Variants in RPS6KC1 observed in about 807,000 individuals in gnomAD.
The protein encoded by RPS6KC1 is inactive ribosomal protein S6 kinase delta-1.
Under a neutral mutation model 103.8 loss-of-function variants are expected in RPS6KC1, and 54 were observed. The ratio of observed to expected loss-of-function variants is 0.52; its 90% CI spans 0.42 to 0.65. The LOEUF is 0.65. Among genes scored for constraint, RPS6KC1 ranks in the 30% least tolerant of loss-of-function variants. The pLI is 0.00. For synonymous variants in RPS6KC1, 439 were observed against 438.7 expected, an observed-to-expected ratio of 1.00 and a Z score of -0.01; for missense variants, 1,151 against 1,253.8, an observed-to-expected ratio of 0.92 and a Z score of 1.24.
At chr1:213,350,052 G>T in the RPS6KC1 span, among the ~76,000 whole-genome samples, 1 of 152,114 alleles carries the variant, frequency 6.6e-6, no homozygotes, top group Non-Finnish European at 1.5e-5. Flanking sequence ...AGCAACTTGG[G>T]AGGCATGGAT....
chr1:213,175,698 T>C (rs2091820020), intron 7 of RPS6KC1, among the ~76,000 whole-genome samples: 1 of 152,228 alleles, frequency 6.6e-6, no homozygotes, highest in African/African-American at 2.4e-5. Context: ...TTTAAATCTT[T>C]TTTGTAGCTA....
chr1:213,390,496 G>T, the RPS6KC1 span, among the ~76,000 whole-genome samples: 2 of 152,240 alleles, frequency 1.3e-5, no homozygotes, highest in Non-Finnish European at 2.9e-5. Flanking sequence ...CTTTTGGACA[G>T]AAAATATGGC....
the RPS6KC1 span, among the ~76,000 whole-genome samples, chr1:213,363,600 CGCTCGCTT>C: frequency 3.0e-3 from 230 of 76,562 alleles, 33 homozygotes; most frequent in African/African-American, 0.018. Flanking sequence ...AGCCCTTGCT[CGCTCGCTT>C]GCTTGCTTGC....
chr1:213,315,864 G>A, the RPS6KC1 span, among the ~76,000 whole-genome samples: 1 of 152,200 alleles, frequency 6.6e-6, no homozygotes, highest in Non-Finnish European at 1.5e-5. Flanking sequence ...GGTTTGTAAA[G>A]ATTTTAGCTT....
chr1:213,383,629 C>CG, the RPS6KC1 span, among the ~76,000 whole-genome samples: 2 of 152,090 alleles, frequency 1.3e-5, no homozygotes, highest in Non-Finnish European at 2.9e-5. Context: ...ATTTGGAGAC[C>CG]GGGCCTCTAA....
chr1:213,115,641 ATGTTAGGG>A (rs1260702448), intron 4 of RPS6KC1, among the ~76,000 whole-genome samples: 6 of 151,482 alleles, frequency 4.0e-5, no homozygotes, highest in African/African-American at 1.5e-4. Context: ...TTTAATTGTG[ATGTTAGGG>A]TGTCAATTTT....
At chr1:213,428,510 CTTCCTTCCTCTT>C in the RPS6KC1 span, among the ~76,000 whole-genome samples, 22 of 61,126 alleles carry the variant, frequency 3.6e-4, no homozygotes, top group African/African-American at 1.1e-3. Context: ...TCCTTCCTTC[CTTCCTTCCTCTT>C]TCTCTCTCTC....
chr1:213,648,584 C>T, the RPS6KC1 span, among the ~76,000 whole-genome samples: 9 of 152,124 alleles, frequency 5.9e-5, no homozygotes, highest in Admixed American at 5.9e-4. Context: ...AGCTCACCAC[C>T]ACCCTCATCT....
chr1:213,411,937 TG>T, the RPS6KC1 span, among the ~76,000 whole-genome samples: 1 of 152,110 alleles, frequency 6.6e-6, no homozygotes, highest in South Asian at 2.1e-4. Flanking sequence ...CTTGGTGAGT[TG>T]GTTATGCTGC....
At chr1:213,806,456 G>A in the RPS6KC1 span, among the ~76,000 whole-genome samples, 1 of 152,048 alleles carries the variant, frequency 6.6e-6, no homozygotes, top group Non-Finnish European at 1.5e-5. Context: ...TATGAATCTG[G>A]GTGCTCCTGT....
chr1:213,769,782 T>A, the RPS6KC1 span, among the ~76,000 whole-genome samples: 1 of 152,198 alleles, frequency 6.6e-6, no homozygotes, highest in African/African-American at 2.4e-5. Flanking sequence ...AGCTTTGAAC[T>A]GTCCCCAAAT....
the RPS6KC1 span, among the ~76,000 whole-genome samples, chr1:213,612,720 T>C: frequency 1.3e-5 from 2 of 152,194 alleles, no homozygotes; most frequent in East Asian, 3.9e-4. Context: ...GATTCAGGCA[T>C]AGCTTTTACC....
chr1:213,677,573 G>C, the RPS6KC1 span, among the ~76,000 whole-genome samples: 20 of 152,310 alleles, frequency 1.3e-4, no homozygotes, highest in South Asian at 3.9e-3. Context: ...ATGTAAACCC[G>C]GAGTTCAGAA....
intron 5 of RPS6KC1, among the ~76,000 whole-genome samples, chr1:213,126,722 A>C (rs142354441): frequency 6.6e-6 from 1 of 152,214 alleles, no homozygotes; most frequent in Non-Finnish European, 1.5e-5. Context: ...GTGATGGGAA[A>C]ATTATAAGGA....
the RPS6KC1 span, among the ~76,000 whole-genome samples, chr1:213,482,540 GTTTTTTTTTT>G: frequency 1.5e-4 from 9 of 61,150 alleles, no homozygotes; most frequent in East Asian, 1.8e-3. Flanking sequence ...CTAACTTGAG[GTTTTTTTTTT>G]TTTTTTTTTT....
chr1:213,427,641 C>G, the RPS6KC1 span, among the ~76,000 whole-genome samples: 1 of 152,242 alleles, frequency 6.6e-6, no homozygotes, highest in Non-Finnish European at 1.5e-5. Flanking sequence ...TATCTAAATA[C>G]TTGGTTGAAA....
At chr1:213,833,813 A>ATTT in the RPS6KC1 span, among the ~76,000 whole-genome samples, 65 of 152,166 alleles carry the variant, frequency 4.3e-4, no homozygotes, top group Non-Finnish European at 5.0e-4. Context: ...GAGGTGGGAC[A>ATTT]AGTCAGGGTG....
chr1:213,081,280 A>G (rs2079854486), intron 3 of RPS6KC1, among the ~76,000 whole-genome samples: 1 of 152,196 alleles, frequency 6.6e-6, no homozygotes, highest in African/African-American at 2.4e-5. Flanking sequence ...GCATCTAGGA[A>G]GGACCTCAGA....
chr1:213,096,627 T>C (rs2081479885), intron 3 of RPS6KC1, among the ~76,000 whole-genome samples: 1 of 151,812 alleles, frequency 6.6e-6, no homozygotes, highest in Non-Finnish European at 1.5e-5. Context: ...ATTGCGCTAC[T>C]GTACTCCAGC....
Sources: gnomAD v4.1 joint callset for allele counts (sites outside exome capture counted in the v4.1 genomes callset) on GRCh38, gnomAD v4.1.1 for gene constraint, MANE v1.5 for transcripts, NCBI Gene and HGNC (gene_info 2026-07-23, HGNC 2026-07-21) for gene names.